SPATA13: variants seen among roughly 807,000 people sequenced by gnomAD.
The protein encoded by SPATA13 is spermatogenesis associated 13.
In SPATA13, 50 loss-of-function variants were observed where a neutral mutation model predicts 104.0. The observed-to-expected ratio is 0.48, with a 90% CI of 0.38 to 0.61. The LOEUF is 0.61. Ranked by LOEUF, SPATA13 falls within the 20% of genes least tolerant of loss-of-function variation. SPATA13 has a pLI of 0.00. For synonymous variants in SPATA13, 606 were observed against 667.5 expected (o/e 0.91, Z 1.42); for missense variants, 1,524 against 1,690.6 (o/e 0.90, Z 1.73).
intron 2 of SPATA13, among the ~76,000 whole-genome samples, chr13:24,245,652 T>C (rs1271571766): frequency 7.0e-6 from 1 of 143,636 alleles, no homozygotes; most frequent in African/African-American, 2.5e-5. Flanking sequence ...ATTGCAGTAG[T>C]GCAATCATGG....
intron 3 of SPATA13, among the ~76,000 whole-genome samples, chr13:24,095,663 T>C (rs1458268130): frequency 6.6e-6 from 1 of 152,206 alleles, no homozygotes; most frequent in Non-Finnish European, 1.5e-5. Context: ...TGAATGAATC[T>C]ACAGACTTCT....
chr13:24,238,132 C>CTTTTTTTT (rs66810619), intron 2 of SPATA13, among the ~76,000 whole-genome samples: 3 of 77,138 alleles, frequency 3.9e-5, no homozygotes, highest in African/African-American at 5.0e-5. Context: ...TTCTTCTTGA[C>CTTTTTTTT]TTTTTTTTTT....
intron 3 of SPATA13, among the ~76,000 whole-genome samples, chr13:24,045,792 C>G (rs769234465): frequency 6.6e-6 from 1 of 152,234 alleles, no homozygotes; most frequent in Non-Finnish European, 1.5e-5. Context: ...TTTGTTCCAA[C>G]TGCAGGCTCT....
At chr13:24,077,763 T>C (rs1328469709) in intron 3 of SPATA13, among the ~76,000 whole-genome samples, 1 of 152,192 alleles carries the variant, frequency 6.6e-6, no homozygotes, top group Non-Finnish European at 1.5e-5. Flanking sequence ...GGAAAATGCA[T>C]GCCCATCTCC....
intron 1 of SPATA13, among the ~76,000 whole-genome samples, chr13:24,215,568 G>C (rs1220604): frequency 3.9e-5 from 6 of 151,966 alleles, no homozygotes; most frequent in Admixed American, 1.3e-4. Context: ...TTTATGCAAA[G>C]ACAAAAAAAT....
intron 3 of SPATA13, among the ~76,000 whole-genome samples, chr13:24,037,340 C>A (rs1877727783): frequency 1.3e-5 from 2 of 150,940 alleles, no homozygotes; most frequent in South Asian, 2.1e-4. Flanking sequence ...TACCCTAGAA[C>A]TTAAAGTATA....
At position 24,025,307 on chromosome 13, in the gene SPATA13, C is replaced by T. The variant is rs529936984; in HGVS notation, c.-112+7606C>T. On this transcript the variant is annotated intron_variant, in intron 3 of 14. Transcript: ENST00000424834. ...AATTAGATTTTATTCATTTTCACTG[C>T]TCTGAAGTATTTCTGTGTACTTATA... Among the ~76,000 whole-genome samples the T allele has an allele frequency of 1.1e-4, 16 of 152,026 alleles. No homozygotes were observed. In the South Asian group the frequency reaches 3.3e-3, roughly 32 times the overall value.
chr13:24,297,769 C>G lies in SPATA13; in HGVS notation c.3583+34C>G. On this transcript the variant is annotated intron_variant, in intron 11 of 12. Coordinates refer to ENST00000382108, the MANE Select transcript of SPATA13 (RefSeq NM_001166271.3). ...CCCTTGGCTCTGCAGGCACCTGTGCCTCTGCTTGCTGTAATAGCTTCATTC... is the reference window on the plus strand; with the variant it reads ...CCCTTGGCTCTGCAGGCACCTGTGCGTCTGCTTGCTGTAATAGCTTCATTC... 3 of 1,577,798 alleles carry G rather than the reference C, an allele frequency of 1.9e-6. No individual in the cohort carries two copies. In the South Asian group the frequency reaches 3.5e-5, roughly 18 times the overall value.
intron 3 of SPATA13, among the ~76,000 whole-genome samples, chr13:24,108,666 G>C (rs558386791): frequency 2.6e-5 from 4 of 151,362 alleles, no homozygotes; most frequent in Non-Finnish European, 4.4e-5. Flanking sequence ...TGGTAGGGGG[G>C]GGGAAGCCTG....
At chr13:24,284,518 G>A in intron 5 of SPATA13, among the ~76,000 whole-genome samples, 1 of 152,064 alleles carries the variant, frequency 6.6e-6, no homozygotes, top group East Asian at 1.9e-4. Context: ...AAAAAATTAG[G>A]TAGGCATGAT....
chr13:24,148,201 T>G (rs1440684315), intron 3 of SPATA13, among the ~76,000 whole-genome samples: 4 of 152,208 alleles, frequency 2.6e-5, no homozygotes, highest in Non-Finnish European at 5.9e-5. Context: ...TTGCTAGGAA[T>G]CTAATGTGCC....
rs1238928 is a variant in SPATA13, at chr13:24,217,081, C to A, written c.-111-5738C>A. On this transcript the variant is annotated intron_variant, in intron 1 of 12. Coordinates refer to ENST00000382108, the MANE Select transcript of SPATA13 (RefSeq NM_001166271.3). ...CAAAACAAACAAACAAAAACAAAAA[C>A]AAAAAAAAGGAAATGATAAATTTCA... 1.6e-3 allele frequency among the ~76,000 whole-genome samples: 238 copies of A among 151,326 alleles called. 1 individual carries two copies. The highest frequency in any genetic ancestry group is 5.5e-3 in the African/African-American group (225 of 41,246).
chr13:24,239,717 A>AAAAAT (rs1369248346), intron 2 of SPATA13, among the ~76,000 whole-genome samples: 4 of 150,132 alleles, frequency 2.7e-5, no homozygotes, highest in Non-Finnish European at 5.9e-5. Flanking sequence ...AAAAAAAAAA[A>AAAAAT]AATAGAGAAA....
chr13:24,082,469 A>G (rs892339520), intron 3 of SPATA13, among the ~76,000 whole-genome samples: 1 of 152,216 alleles, frequency 6.6e-6, no homozygotes, highest in Admixed American at 6.5e-5. Flanking sequence ...TTTGTCCACC[A>G]CAGTGGGATA....
intron 4 of SPATA13, among the ~76,000 whole-genome samples, chr13:24,268,353 C>T (rs113000256): frequency 6.6e-6 from 1 of 152,152 alleles, no homozygotes; most frequent in Non-Finnish European, 1.5e-5. Flanking sequence ...ATCGAGGAGT[C>T]TTTTGAGCCT....
chr13:24,082,689 G>A (rs1422776134), intron 3 of SPATA13, among the ~76,000 whole-genome samples: 6 of 150,336 alleles, frequency 4.0e-5, no homozygotes, highest in African/African-American at 1.5e-4. Flanking sequence ...GCGCGGTGGC[G>A]GGCGCCTGTA....
chr13:24,162,737 G>A (rs1398553636), intron 1 of SPATA13, among the ~76,000 whole-genome samples: 1 of 152,174 alleles, frequency 6.6e-6, no homozygotes, highest in Non-Finnish European at 1.5e-5. Flanking sequence ...ATCTACTACT[G>A]TCCCCATTTG....
At chr13:24,013,569 T>C (rs938197490) in intron 2 of SPATA13, among the ~76,000 whole-genome samples, 1 of 152,210 alleles carries the variant, frequency 6.6e-6, no homozygotes, top group Non-Finnish European at 1.5e-5. Context: ...TTCCTGACCT[T>C]GTGAATTCTT....
intron 3 of SPATA13, among the ~76,000 whole-genome samples, chr13:24,117,301 G>A (rs1880877278): frequency 6.6e-6 from 1 of 151,994 alleles, no homozygotes; most frequent in Admixed American, 6.6e-5. Context: ...TTAATTTTAG[G>A]AATTAGCCGT....
Sources: allele counts gnomAD v4.1 joint callset (sites outside exome capture counted in the v4.1 genomes callset), GRCh38; gene constraint gnomAD v4.1.1; transcripts MANE v1.5; gene names NCBI Gene and HGNC (gene_info 2026-07-23, HGNC 2026-07-21).